The following HECTD2 variants were observed in gnomAD, a reference collection of about 807,000 sequenced individuals.
HECTD2 encodes the protein HECT domain E3 ubiquitin protein ligase 2.
A neutral mutation model predicts 103.2 loss-of-function variants in HECTD2; 35 were observed. The observed-to-expected ratio is 0.34, with a 90% CI of 0.26 to 0.45. HECTD2 has a LOEUF of 0.45. Ranked by LOEUF, HECTD2 falls within the 20% of genes least tolerant of loss-of-function variation. HECTD2 has a pLI of 1.00. For synonymous variants in HECTD2, 281 were observed against 329.9 expected (o/e 0.85, Z 1.61); for missense variants, 596 against 937.4 (o/e 0.64, Z 4.76).
intron 20 of HECTD2, among the ~76,000 whole-genome samples, chr10:91,504,647 C>G (rs1847068596): frequency 6.6e-6 from 1 of 151,904 alleles, no homozygotes; most frequent in Non-Finnish European, 1.5e-5. Context: ...AAATCTACGT[C>G]TGATTGGTGT....
In HECTD2 at chr10:91,512,867, A is replaced by G. The variant is rs545173093; in HGVS notation, c.*483A>G. ...CAGTATCATTGCAAATGCAGTTTAC[A>G]GGGATTTTTGATATACTGGCTTGGG... On this transcript the variant is annotated 3_prime_UTR_variant, in exon 21 of 21. Coordinates refer to ENST00000298068, the MANE Select transcript of HECTD2 (RefSeq NM_182765.6). 1 of 153,366 alleles carries G rather than the reference A, an allele frequency of 6.5e-6. No homozygotes were observed. The highest frequency in any genetic ancestry group is 1.9e-4 in the East Asian group (1 of 5,196). The allele number at this position is 153,366 out of a possible 1,614,324, so 9.5% of individuals were successfully genotyped here.
chr10:91,451,363 GC>G (rs1844818651), intron 2 of HECTD2, among the ~76,000 whole-genome samples: 1 of 152,188 alleles, frequency 6.6e-6, no homozygotes, highest in East Asian at 1.9e-4. Context: ...ACACACTGGG[GC>G]CTTTCGGTGG....
chr10:91,431,261 A>C (rs1290334221), intron 2 of HECTD2, among the ~76,000 whole-genome samples: 1 of 151,808 alleles, frequency 6.6e-6, no homozygotes, highest in Non-Finnish European at 1.5e-5. Flanking sequence ...TGTTAGTCTG[A>C]TGGGCTTCCC....
At chr10:91,439,774 G>C (rs1307837283) in intron 2 of HECTD2, among the ~76,000 whole-genome samples, 2 of 152,072 alleles carry the variant, frequency 1.3e-5, no homozygotes, top group Non-Finnish European at 2.9e-5. Flanking sequence ...GTGGTTTGTA[G>C]TTCTCCTTGA....
intron 2 of HECTD2, among the ~76,000 whole-genome samples, chr10:91,459,590 T>C (rs1845256406): frequency 6.6e-6 from 1 of 152,104 alleles, no homozygotes; most frequent in Non-Finnish European, 1.5e-5. Flanking sequence ...GTGTGATTTC[T>C]TTCATATAAC....
intron 2 of HECTD2, among the ~76,000 whole-genome samples, chr10:91,444,445 GA>G (rs1456144893): frequency 2.6e-5 from 4 of 152,152 alleles, no homozygotes; most frequent in Non-Finnish European, 4.4e-5. Flanking sequence ...ATTTTTAGTT[GA>G]AAAGGTAACT....
intron 1 of HECTD2, among the ~76,000 whole-genome samples, chr10:91,414,682 C>T (rs1433394805): frequency 6.6e-6 from 1 of 152,096 alleles, no homozygotes; most frequent in Non-Finnish European, 1.5e-5. Context: ...AGCTGGCTGG[C>T]CATTGAAAAA....
At chr10:91,437,751 T>G (rs1281615178) in intron 2 of HECTD2, among the ~76,000 whole-genome samples, 1 of 151,834 alleles carries the variant, frequency 6.6e-6, no homozygotes, top group Non-Finnish European at 1.5e-5. Context: ...ATTGTAAGTT[T>G]CCATACTTCC....
At chr10:91,419,788 C>T (rs1843276256) in intron 1 of HECTD2, among the ~76,000 whole-genome samples, 1 of 151,984 alleles carries the variant, frequency 6.6e-6, no homozygotes, top group African/African-American at 2.4e-5. Flanking sequence ...GTTGAGTATC[C>T]CACTACTATT....
At chr10:91,485,372 A>C in intron 10 of HECTD2, 69 bp downstream of exon 10, 2 of 1,220,138 alleles carry the variant, frequency 1.6e-6, no homozygotes, top group Non-Finnish European at 2.3e-6. Flanking sequence ...CTAGAGTTTA[A>C]GTTTATATGA....
intron 19 of HECTD2, 58 bp from the exon 20 acceptor site, chr10:91,501,133 C>A: frequency 6.9e-7 from 1 of 1,448,348 alleles, no homozygotes; most frequent in Non-Finnish European, 9.6e-7. Flanking sequence ...CTTTATATTA[C>A]TTTATTATAG....
rs1475730242 is a variant in HECTD2 at position 91,487,465 on chromosome 10, T to C, written c.1095-217T>C. 1.8e-6 allele frequency: 1 copy of C among 550,230 alleles called. No individual in the cohort carries two copies. 34.1% of individuals were successfully genotyped at this position (550,230 alleles called of 1,614,324 possible). A position where few individuals can be genotyped will look rare whatever the true frequency, so the allele number is the denominator to read the frequency against. On this transcript the variant is annotated intron_variant, in intron 10 of 20. Transcript: ENST00000298068. The surrounding 1 kb of genome is among the most constrained non-coding windows in gnomAD (Gnocchi z 4.1). ...CATTCAGAACCTTTGATGTAGCTTC[T>C]GCAGAGAATAAAGGCATTGCACATC...
intron 18 of HECTD2, among the ~76,000 whole-genome samples, 175 bp downstream of exon 18, chr10:91,499,325 AG>A (rs1024322695): frequency 2.0e-5 from 3 of 152,154 alleles, no homozygotes; most frequent in Admixed American, 1.3e-4. Flanking sequence ...AATTCTTTAG[AG>A]GGGAAAAACA....
At chr10:91,482,924 G>C (rs746945191) in intron 7 of HECTD2, 43 bp from the exon 8 acceptor site, 1 of 904,582 alleles carries the variant, frequency 1.1e-6, no homozygotes, top group Non-Finnish European at 1.7e-6. Flanking sequence ...CCTTTTACGT[G>C]TTAACAGAAT....
At chr10:91,496,572 AAGAT>A (rs926567153) in intron 15 of HECTD2, among the ~76,000 whole-genome samples, 200 bp downstream of exon 15, 10 of 152,144 alleles carry the variant, frequency 6.6e-5, no homozygotes, top group Non-Finnish European at 1.3e-4. Context: ...AAGCTTTTAC[AAGAT>A]AGAGAGGCAG....
At chr10:91,437,730 A>T (rs1481189049) in intron 2 of HECTD2, among the ~76,000 whole-genome samples, 1 of 150,394 alleles carries the variant, frequency 6.6e-6, no homozygotes, top group African/African-American at 2.4e-5. Flanking sequence ...TTTATAATAG[A>T]TGACATATAC....
chr10:91,484,069 G>T, intron 8 of HECTD2: 1 of 389,858 alleles, frequency 2.6e-6, no homozygotes, highest in Non-Finnish European at 4.6e-6. Flanking sequence ...CACTTGCAAA[G>T]AGAGAGTATT....
rs199743994 is a variant in HECTD2 at position 91,500,484 on chromosome 10, A to C, written c.1951-18A>C. 5.8e-5 allele frequency: 70 copies of C among 1,210,408 alleles called. No homozygotes were observed. The highest frequency in any genetic ancestry group is 7.8e-5 in the Non-Finnish European group (64 of 817,912). 75.0% of individuals were successfully genotyped at this position (1,210,408 alleles called of 1,614,324 possible). A position where few individuals can be genotyped will look rare whatever the true frequency, so the allele number is the denominator to read the frequency against. ...CATCACTCTTTAATTATTGTTTTTG[A>C]TAAATAATTATTGGCAGCTGCTTCG... is the stretch of plus-strand genomic sequence containing the variant. On this transcript the variant is annotated intron_variant, in intron 18 of 20. Coordinates refer to ENST00000298068, the MANE Select transcript of HECTD2 (RefSeq NM_182765.6).
At chr10:91,428,734 T>C (rs1234745030) in intron 2 of HECTD2, among the ~76,000 whole-genome samples, 1 of 152,022 alleles carries the variant, frequency 6.6e-6, no homozygotes, top group African/African-American at 2.4e-5. Context: ...TTTTGTATCC[T>C]GAGACTTTGC....
Sources: gnomAD v4.1 joint callset for allele counts (sites outside exome capture counted in the v4.1 genomes callset) on GRCh38, gnomAD v4.1.1 for gene constraint, Gnocchi (gnomAD v3.1) non-coding constraint, MANE v1.5 for transcripts, NCBI Gene and HGNC (gene_info 2026-07-23, HGNC 2026-07-21) for gene names.